Variants in FAM53A observed in about 807,000 individuals in gnomAD.
FAM53A encodes the protein family with sequence similarity 53 member A.
Under a neutral mutation model 26.6 loss-of-function variants are expected in FAM53A, and 28 were observed. The ratio of observed to expected loss-of-function variants is 1.05; its 90% confidence interval spans 0.78 to 1.45. The LOEUF is 1.45. Ranked by LOEUF, FAM53A falls within the 40% of genes most tolerant of loss-of-function variation. The pLI, the probability that FAM53A is intolerant of heterozygous loss-of-function variation, is 0.00. For missense variants in FAM53A, 650 were observed against 575.8 expected (o/e 1.13, Z -1.32); for synonymous variants, 290 against 253.1 (o/e 1.15, Z -1.38).
At chr4:1,665,665 G>A (rs1714169838) in intron 2 of FAM53A, among the ~76,000 whole-genome samples, 1 of 152,138 alleles carries the variant, frequency 6.6e-6, no homozygotes, top group South Asian at 2.1e-4. Flanking sequence ...CACTAACAGA[G>A]CCGGCAGGGT....
chr4:1,605,907 G>A, the FAM53A span, among the ~76,000 whole-genome samples: 4 of 152,082 alleles, frequency 2.6e-5, no homozygotes, highest in Non-Finnish European at 4.4e-5. This position sits in a 1 kb window ranked among gnomAD's most constrained non-coding sequence, Gnocchi z 5.7. Context: ...GACCCTCGTT[G>A]TCCCGTTCCT....
intron 1 of FAM53A, among the ~76,000 whole-genome samples, chr4:1,632,776 T>C (rs1043705526): frequency 6.6e-6 from 1 of 152,204 alleles, no homozygotes; most frequent in Non-Finnish European, 1.5e-5. Flanking sequence ...CACGTGTGCA[T>C]ATTATACAGT....
At chr4:1,598,031 C>A in the FAM53A span, among the ~76,000 whole-genome samples, 2 of 152,234 alleles carry the variant, frequency 1.3e-5, no homozygotes, top group Non-Finnish European at 2.9e-5. Context: ...CTCATGGGAA[C>A]CCCAGGACTG....
the FAM53A span, among the ~76,000 whole-genome samples, chr4:1,611,175 G>A: frequency 8.5e-5 from 13 of 152,332 alleles, no homozygotes; most frequent in South Asian, 2.1e-4. Flanking sequence ...CGCAGTGGGC[G>A]GTGTCCCTCA....
Position 1,630,581 on chromosome 4 carries a change from G to A in FAM53A, c.432-12470C>T, listed in dbSNP as rs774395593. Among the ~76,000 whole-genome samples, 1 of 152,196 alleles carries A rather than the reference G, an allele frequency of 6.6e-6. No individual in the cohort carries two copies. Among genetic ancestry groups the A allele is most frequent in the African/African-American group, 2.4e-5 (1 of 41,444 alleles). ...TCAGCCAGTCCGTCCCACACCTGAG[G>A]CAGGCTCAGCAATTCCCCTCAGCCT... On this transcript the variant is annotated intron_variant, in intron 1 of 1. Coordinates refer to the FAM53A transcript ENST00000489029. This position sits in a 1 kb window ranked among gnomAD's most constrained non-coding sequence, Gnocchi z 4.3.
chr4:1,613,250 C>T (rs2108729089), downstream of FAM53A, among the ~76,000 whole-genome samples: 2 of 152,322 alleles, frequency 1.3e-5, 1 homozygote, highest in South Asian at 4.2e-4. Context: ...GGTGGGAAGC[C>T]CAAGGTAGGG....
At chr4:1,658,486 T>C (rs1254732550) in intron 2 of FAM53A, among the ~76,000 whole-genome samples, 3 of 152,192 alleles carry the variant, frequency 2.0e-5, no homozygotes, top group Non-Finnish European at 2.9e-5. Flanking sequence ...CTTTCCCACC[T>C]GCAACAGCTC....
chr4:1,598,613 C>T, the FAM53A span, among the ~76,000 whole-genome samples: 1 of 152,198 alleles, frequency 6.6e-6, no homozygotes, highest in East Asian at 1.9e-4. Context: ...GCACCCCCTC[C>T]CGGTTTGATG....
the FAM53A span, chr4:1,580,315 C>A: frequency 6.6e-6 from 1 of 152,222 alleles, no homozygotes; most frequent in Admixed American, 6.5e-5. Context: ...GCGCCCTACA[C>A]CGGCGGCCAG....
the FAM53A span, among the ~76,000 whole-genome samples, chr4:1,606,334 C>T: frequency 2.0e-5 from 3 of 151,954 alleles, no homozygotes; most frequent in Non-Finnish European, 4.4e-5. Flanking sequence ...CATGAGCCAC[C>T]GCACCCGGCC....
chr4:1,666,018 C>A (rs1714199261), intron 2 of FAM53A, among the ~76,000 whole-genome samples: 1 of 78,456 alleles, frequency 1.3e-5, no homozygotes, highest in Non-Finnish European at 2.6e-5. Flanking sequence ...AAAACCTGCA[C>A]CTGCACCCCC....
chr4:1,634,884 G>C (rs1216000398), intron 1 of FAM53A, among the ~76,000 whole-genome samples: 2 of 150,410 alleles, frequency 1.3e-5, no homozygotes, highest in Non-Finnish European at 3.0e-5. Context: ...TGGGCAACAA[G>C]AGAGAAACTC....
Position 1,657,582 on chromosome 4 carries a change from G to C in FAM53A, c.76-114C>G, listed in dbSNP as rs1050571382. On this transcript the variant is annotated intron_variant, in intron 2 of 4. Coordinates refer to ENST00000308132, the MANE Select transcript of FAM53A (RefSeq NM_001174070.3). ...ACCTTTCCCCAGTGTTTTCTTTCTA[G>C]TGATTAAAATAAGCACAGTTTTATT... 4 of 881,272 alleles carry C rather than the reference G, an allele frequency of 4.5e-6. No individual in the cohort carries two copies. The African/African-American group carries it at 5.1e-5, about 11-fold the overall frequency. 54.6% of individuals were successfully genotyped at this position (881,272 alleles called of 1,614,324 possible).
chr4:1,617,701 C>T (rs775659941), downstream of FAM53A, among the ~76,000 whole-genome samples: 16 of 152,114 alleles, frequency 1.1e-4, no homozygotes, highest in Admixed American at 9.2e-4. Flanking sequence ...TTTTTAGGTC[C>T]GCTGGTGACA....
At chr4:1,652,353 A>C in intron 4 of FAM53A, among the ~76,000 whole-genome samples, 2 of 141,250 alleles carry the variant, frequency 1.4e-5, no homozygotes, top group African/African-American at 5.4e-5. Flanking sequence ...CACACACCAC[A>C]CGTCACACGC....
the FAM53A span, among the ~76,000 whole-genome samples, chr4:1,597,751 T>C: frequency 1.3e-5 from 2 of 152,200 alleles, no homozygotes; most frequent in Non-Finnish European, 2.9e-5. Flanking sequence ...ATCTCAGAAC[T>C]TTGGGAGGCC....
chr4:1,635,684 A>G (rs1020324780), downstream of FAM53A, among the ~76,000 whole-genome samples: 4 of 152,108 alleles, frequency 2.6e-5, no homozygotes, highest in Non-Finnish European at 5.9e-5. Flanking sequence ...CCCACTGCCA[A>G]CGGTTCTAAG....
chr4:1,659,549 C>T lies in FAM53A; in HGVS notation c.76-2081G>A, dbSNP rs1468604860. On this transcript the variant is annotated intron_variant, in intron 2 of 4. Coordinates refer to ENST00000308132, the MANE Select transcript of FAM53A (RefSeq NM_001174070.3). This position sits in a 1 kb window ranked among gnomAD's most constrained non-coding sequence, Gnocchi z 5.2. ...AAATGTGACCACCTCTATGCAAAGACACGCCGGGGGCAGCAGCTACTCCCA... is the reference window on the plus strand; with the variant it reads ...AAATGTGACCACCTCTATGCAAAGATACGCCGGGGGCAGCAGCTACTCCCA... Among the ~76,000 whole-genome samples the T allele has an allele frequency of 6.6e-6, 1 of 151,758 alleles. No individual in the cohort carries two copies. The highest frequency in any genetic ancestry group is 1.5e-5 in the Non-Finnish European group (1 of 67,716).
intron 1 of FAM53A, among the ~76,000 whole-genome samples, chr4:1,680,196 G>A (rs2109070526): frequency 6.6e-6 from 1 of 151,656 alleles, no homozygotes; most frequent in Non-Finnish European, 1.5e-5. Flanking sequence ...GCACATGCCT[G>A]TAATCCCAGC....
Sources: allele counts gnomAD v4.1 joint callset (sites outside exome capture counted in the v4.1 genomes callset), GRCh38; gene constraint gnomAD v4.1.1; non-coding constraint Gnocchi (gnomAD v3.1); transcripts MANE v1.5; gene names NCBI Gene and HGNC (gene_info 2026-07-23, HGNC 2026-07-21).